Variants in ZFYVE26 observed in about 807,000 individuals in gnomAD.
ZFYVE26 encodes the protein zinc finger FYVE domain-containing protein 26.
ZFYVE26 carries 181 observed loss-of-function variants against 276.5 expected under a neutral mutation model. That is an observed-to-expected ratio of 0.65 (90% CI 0.58 to 0.74). ZFYVE26 has a LOEUF of 0.74. Ranked by LOEUF, ZFYVE26 falls within the 30% of genes least tolerant of loss-of-function variation. The pLI, the probability that ZFYVE26 is intolerant of heterozygous loss-of-function variation, is 0.00. For synonymous variants in ZFYVE26, 1,129 were observed against 1,203.1 expected (o/e 0.94, Z 1.27); for missense variants, 2,821 against 3,097.9 (o/e 0.91, Z 2.12).
intron 29 of ZFYVE26, 132 bp from the exon 30 acceptor site, chr14:67,768,680 T>C: frequency 1.2e-6 from 1 of 841,612 alleles, no homozygotes; most frequent in Non-Finnish European, 2.0e-6. Context: ...AATTGTTGAA[T>C]GAAAGAGTCC....
chr14:67,785,560 A>G (rs976580727), intron 18 of ZFYVE26, among the ~76,000 whole-genome samples: 1 of 152,192 alleles, frequency 6.6e-6, no homozygotes, highest in Non-Finnish European at 1.5e-5. Flanking sequence ...TTTATGAAGA[A>G]CACAGCAATC....
At chr14:67,735,297 C>G in intron 13 of ZFYVE26, 6 of 864,504 alleles carry the variant, frequency 6.9e-6, no homozygotes, top group South Asian at 6.6e-5. Context: ...GGCTACATCT[C>G]ACCTCTCTGT....
intron 13 of ZFYVE26, 95 bp downstream of exon 13, chr14:67,794,076 T>C: frequency 7.2e-7 from 1 of 1,379,414 alleles, no homozygotes; most frequent in Non-Finnish European, 1.0e-6. Context: ...AATAACAACC[T>C]TGACTGCTCA....
chr14:67,804,215 T>C lies in ZFYVE26; in HGVS notation c.1321A>G (p.Ser441Gly). Reference sequence around the variant, plus strand: ...TGGAGAGTGTAGAGCACTGAGTGGCTGTCTCCACCGTGTAAATGATACAAC... The same window carrying C: ...TGGAGAGTGTAGAGCACTGAGTGGCCGTCTCCACCGTGTAAATGATACAAC... ...DLLYHLHGGD[S>G]HSVLYTLHHL... is the part of the protein sequence containing the mutation. The change falls in exon 9 of 42, where the codon AGC (serine) becomes GGC (glycine). Residue 441 changes from serine to glycine, a missense_variant. By Grantham distance (56) the Ser-to-Gly change is moderately conservative. Transcript: ENST00000347230. 4 of 1,614,062 alleles carry C rather than the reference T, an allele frequency of 2.5e-6. No individual in the cohort carries two copies. Among genetic ancestry groups the C allele is most frequent in the Non-Finnish European group, 2.5e-6 (3 of 1,179,996 alleles).
intron 35 of ZFYVE26, among the ~76,000 whole-genome samples, chr14:67,757,310 C>T (rs1437394165): frequency 6.6e-6 from 1 of 152,230 alleles, no homozygotes; most frequent in African/African-American, 2.4e-5. Flanking sequence ...CTTCTCATCC[C>T]TCACAATGTC....
In ZFYVE26 at chr14:67,753,895, A is replaced by G. The variant is rs2038710588; in HGVS notation, c.7129-129T>C. ...GTTGAGACCCTGCTAAGTGCCAGGC[A>G]CTAGGGATATAAGAATGATCAAAAT... On this transcript the variant is annotated intron_variant, in intron 38 of 41. Coordinates refer to ENST00000347230, the MANE Select transcript of ZFYVE26 (RefSeq NM_015346.4). 1.5e-5 allele frequency: 22 copies of G among 1,477,178 alleles called. 1 individual carries two copies. The South Asian group carries it at 2.2e-4, about 15-fold the overall frequency. 91.5% of individuals were successfully genotyped at this position (1,477,178 alleles called of 1,614,324 possible).
rs1410345275 is a variant in ZFYVE26 at position 67,789,447 on chromosome 14, G to C, written c.2907C>G (p.Pro969=). Residue 969 remains proline, a synonymous_variant, in exon 16 of 42, where the codon CCC becomes CCG. Coordinates refer to ENST00000347230, the MANE Select transcript of ZFYVE26 (RefSeq NM_015346.4). ...PLREVLEDLS[P]PAMAAFDLAC... is the part of the protein sequence containing the mutation. ...CTAGGTCAAATGCAGCCATGGCAGG[G>C]GGACTGAGGTCTTCCAGAACCTCTC... is the stretch of plus-strand genomic sequence containing the variant. 1 of 1,614,196 alleles carries C rather than the reference G, an allele frequency of 6.2e-7. No homozygotes were observed.
intron 27 of ZFYVE26, among the ~76,000 whole-genome samples, chr14:67,773,154 G>T (rs1287128340): frequency 6.6e-6 from 1 of 151,986 alleles, no homozygotes; most frequent in Non-Finnish European, 1.5e-5. Flanking sequence ...TGTGATAATG[G>T]TATTATGGCT....
At chr14:67,757,660 T>TTC (rs938007553) in intron 35 of ZFYVE26, among the ~76,000 whole-genome samples, 2 of 137,988 alleles carry the variant, frequency 1.4e-5, no homozygotes, top group African/African-American at 6.6e-5. Context: ...CTTTCTTTCT[T>TTC]TCTTTCTTTC....
chr14:67,794,175 C>T lies in ZFYVE26; in HGVS notation c.2397G>A (p.Thr799=), dbSNP rs146003951. The T allele has an allele frequency of 2.0e-5, 32 of 1,614,058 alleles. No homozygotes were observed. Among genetic ancestry groups the T allele is most frequent in the African/African-American group, 2.7e-5 (2 of 74,940 alleles). Residue 799 remains threonine, a synonymous_variant, in exon 13 of 42, where the codon ACG becomes ACA. Transcript: ENST00000347230. ...ESTSSELSTS[T]SEGSLSAMSG... is the part of the protein sequence containing the mutation. ...AACTGGTGGAAATCTGCATACCTGACGTACTTGTGCTCAGCTCACTACTTG... is the reference window on the plus strand; with the variant it reads ...AACTGGTGGAAATCTGCATACCTGATGTACTTGTGCTCAGCTCACTACTTG...
rs34041446 is a variant in ZFYVE26, at chr14:67,792,913, C to CAAAAAA, written c.2553+689_2553+694dup. The stretch of plus-strand genomic sequence containing the variant: ...CTGGGTGACAAAAGCAAATCTGTCT[C>CAAAAAA]AAAAAAAAAAAAAAAAAAAAAGAAA... On this transcript the variant is annotated intron_variant, in intron 14 of 41. Transcript: ENST00000347230. Among the ~76,000 whole-genome samples the CAAAAAA allele has an allele frequency of 3.0e-4, 17 of 56,716 alleles. 1 individual carries two copies. The highest frequency in any genetic ancestry group is 5.1e-4 in the Admixed American group (2 of 3,918). The allele number at this position is 56,716 out of a possible 152,430, so 37.2% of individuals were successfully genotyped here. A position where few individuals can be genotyped will look rare whatever the true frequency, so the allele number is the denominator to read the frequency against.
intron 40 of ZFYVE26, 116 bp downstream of exon 40, chr14:67,752,228 A>G: frequency 1.5e-6 from 2 of 1,348,314 alleles, no homozygotes; most frequent in South Asian, 2.5e-5. Flanking sequence ...GGGGTTCAGA[A>G]TGATAAAAGG....
intron 5 of ZFYVE26, 22 bp downstream of exon 5, chr14:67,807,376 A>G (rs755008909): frequency 1.2e-6 from 2 of 1,613,824 alleles, no homozygotes; most frequent in South Asian, 1.1e-5. Flanking sequence ...AAACTAAAGG[A>G]GCAGCAGCAA....
chr14:67,733,804 C>G, intron 13 of ZFYVE26: 1 of 1,613,526 alleles, frequency 6.2e-7, no homozygotes, highest in East Asian at 2.2e-5. Context: ...AGCTGAGCGC[C>G]TATGGAATGT....
downstream of ZFYVE26, among the ~76,000 whole-genome samples, chr14:67,745,204 G>A (rs1410579170): frequency 6.6e-6 from 1 of 152,168 alleles, no homozygotes; most frequent in Admixed American, 6.5e-5. Context: ...CTGCATAAAT[G>A]TCTTCTTTTG....
intron 37 of ZFYVE26, 40 bp from the exon 38 acceptor site, chr14:67,754,252 G>T: frequency 6.2e-7 from 1 of 1,613,706 alleles, no homozygotes; most frequent in South Asian, 1.1e-5. Flanking sequence ...CTCATGAGGG[G>T]CCCCAGGTGA....
At chr14:67,813,919 C>T in intron 3 of ZFYVE26, 67 bp downstream of exon 3, 1 of 1,137,860 alleles carries the variant, frequency 8.8e-7, no homozygotes, top group Non-Finnish European at 1.3e-6. Flanking sequence ...GAAGGGAAAT[C>T]CCACAACTAC....
chr14:67,742,914 A>G (rs2038433948), downstream of ZFYVE26, among the ~76,000 whole-genome samples: 1 of 138,640 alleles, frequency 7.2e-6, no homozygotes, highest in South Asian at 2.2e-4. Flanking sequence ...ACCTTGGATC[A>G]TGGCAGCCTC....
intron 13 of ZFYVE26, among the ~76,000 whole-genome samples, chr14:67,732,936 T>A (rs2038302800): frequency 6.6e-6 from 1 of 152,076 alleles, no homozygotes; most frequent in African/African-American, 2.4e-5. Flanking sequence ...TTTACAGGAC[T>A]TTTATAATTA....
Sources: gnomAD v4.1 joint callset for allele counts (sites outside exome capture counted in the v4.1 genomes callset) on GRCh38, gnomAD v4.1.1 for gene constraint, MANE v1.5 for transcripts, NCBI Gene and HGNC (gene_info 2026-07-23, HGNC 2026-07-21) for gene names.